Variants in EIF3J observed in about 807,000 individuals in gnomAD.
The protein encoded by EIF3J is eukaryotic translation initiation factor 3, subunit 1 (alpha, 35kD).
A neutral mutation model predicts 39.0 loss-of-function variants in EIF3J; 15 were observed. That is an observed-to-expected ratio of 0.38 (90% CI 0.26 to 0.59). The LOEUF (loss-of-function observed/expected upper bound fraction) is 0.59, where lower values mean the gene tolerates loss of function less well. EIF3J is among the 20% of genes least tolerant of loss of function. EIF3J has a pLI of 0.60. For missense variants in EIF3J, 226 were observed against 308.6 expected (o/e 0.73, Z 2.00); for synonymous variants, 98 against 112.9 (o/e 0.87, Z 0.84).
rs540515876 is a variant in EIF3J, at chr15:44,541,962, T to C, written c.147+4535T>C. 8.5e-5 allele frequency among the ~76,000 whole-genome samples: 13 copies of C among 152,358 alleles called. No individual in the cohort carries two copies. In the South Asian group the frequency reaches 2.1e-3, roughly 24 times the overall value. ...GCATGTTTGTTATTGAAAAATATTTTCTTGTCATGATGGATCATTGTAAAT... is the reference window on the plus strand; with the variant it reads ...GCATGTTTGTTATTGAAAAATATTTCCTTGTCATGATGGATCATTGTAAAT... On this transcript the variant is annotated intron_variant, in intron 2 of 7. Transcript: ENST00000261868.
Position 44,551,496 on chromosome 15 carries a change from A to C in EIF3J, c.268A>C (p.Lys90Gln). 1 of 1,592,352 alleles carries C rather than the reference A, an allele frequency of 6.3e-7. No homozygotes were observed. The highest frequency in any genetic ancestry group is 8.5e-7 in the Non-Finnish European group (1 of 1,172,316). ...KIKEKERQQK[K>Q]RQEEIKKRLE... Reference sequence around the variant, plus strand: ...AAAAGAGAAAGAACGGCAACAGAAGAAAAGGCAAGAAGAAATTAAAAAGAG... The same window carrying C: ...AAAAGAGAAAGAACGGCAACAGAAGCAAAGGCAAGAAGAAATTAAAAAGAG... The change falls in exon 4 of 8, where the codon AAA (lysine) becomes CAA (glutamine). Residue 90 changes from lysine to glutamine, a missense_variant. By Grantham distance (53) the Lys-to-Gln change is moderately conservative. Around this residue, in one of 2 missense-constraint regions of EIF3J, gnomAD observed 143 missense variants for 156.0 expected, o/e 0.92. Coordinates refer to ENST00000261868, the MANE Select transcript of EIF3J (RefSeq NM_003758.4).
At chr15:44,539,886 T>C (rs1404173903) in intron 2 of EIF3J, among the ~76,000 whole-genome samples, 2 of 151,394 alleles carry the variant, frequency 1.3e-5, no homozygotes, top group East Asian at 3.9e-4. Flanking sequence ...TCAGCCTTTC[T>C]AGTAGCTGGG....
chr15:44,542,447 T>G (rs2140890758), intron 2 of EIF3J, among the ~76,000 whole-genome samples: 1 of 152,344 alleles, frequency 6.6e-6, no homozygotes, highest in South Asian at 2.1e-4. Flanking sequence ...CAAAAGAGTT[T>G]TATTGCTCGT....
chr15:44,555,504 G>C (rs1595806313), intron 5 of EIF3J, among the ~76,000 whole-genome samples: 1 of 152,260 alleles, frequency 6.6e-6, no homozygotes, highest in South Asian at 2.1e-4. Flanking sequence ...CAGTGGATCT[G>C]TACAAATACC....
Position 44,554,607 on chromosome 15 carries a change from A to C in EIF3J, c.349A>C (p.Lys117Gln). Residue 117 changes from lysine (K) to glutamine (Q), a missense_variant, in exon 5 of 8, where the codon AAA (lysine) becomes CAA (glutamine). Physicochemically the swap from Lys to Gln is moderately conservative, Grantham distance 53 (BLOSUM62 1). Around this residue, in one of 2 missense-constraint regions of EIF3J, gnomAD observed 143 missense variants for 156.0 expected, o/e 0.92. Transcript: ENST00000261868. ...VLTPEEQLAD[K>Q]LRLKKLQEES... Reference sequence around the variant, plus strand: ...AACACCAGAAGAACAATTAGCAGATAAACTGCGGCTAAAGAAATTACAGGA... The same window carrying C: ...AACACCAGAAGAACAATTAGCAGATCAACTGCGGCTAAAGAAATTACAGGA... 1 of 1,613,028 alleles carries C rather than the reference A, an allele frequency of 6.2e-7. No homozygotes were observed. The highest frequency in any genetic ancestry group is 8.5e-7 in the Non-Finnish European group (1 of 1,179,674).
chr15:44,551,748 T>C (rs1567118319), intron 4 of EIF3J, among the ~76,000 whole-genome samples: 1 of 152,232 alleles, frequency 6.6e-6, no homozygotes, highest in African/African-American at 2.4e-5. Flanking sequence ...GGAATAGTCA[T>C]GATAGTGCAG....
intron 2 of EIF3J, among the ~76,000 whole-genome samples, chr15:44,540,256 TATATATATA>T (rs1244306891): frequency 1.4e-4 from 8 of 56,910 alleles, no homozygotes; most frequent in African/African-American, 3.6e-4. Flanking sequence ...TATATATATA[TATATATATA>T]TATTTTTTTT....
chr15:44,549,477 GAA>G (rs1454366653), intron 2 of EIF3J, among the ~76,000 whole-genome samples: 2 of 151,098 alleles, frequency 1.3e-5, no homozygotes, highest in Non-Finnish European at 2.9e-5. Flanking sequence ...GGCAATGAAA[GAA>G]AAGACTGGGG....
intron 5 of EIF3J, among the ~76,000 whole-genome samples, chr15:44,556,798 C>T (rs1456552604): frequency 6.6e-6 from 1 of 151,724 alleles, no homozygotes; most frequent in East Asian, 1.9e-4. Context: ...GGGTGTTAGC[C>T]ACTGCGTCTG....
rs1188392407 is a variant in EIF3J, at chr15:44,557,471, GCTT to G, written c.410-14_410-12del. On this transcript the variant is annotated splice_polypyrimidine_tract_variant and intron_variant, in intron 5 of 7. Coordinates refer to ENST00000261868, the MANE Select transcript of EIF3J (RefSeq NM_003758.4). ...TCCTAACCTCCTGATACTTTTCAGT[GCTT>G]CTTTTCTCCTACAGGTGTTAATAAT... The G allele has an allele frequency of 1.3e-6, 2 of 1,488,486 alleles. No individual in the cohort carries two copies. The highest frequency in any genetic ancestry group is 1.5e-5 in the African/African-American group (1 of 68,560). 92.2% of individuals were successfully genotyped at this position (1,488,486 alleles called of 1,614,324 possible).
At position 44,561,687 on chromosome 15, in the gene EIF3J, C is replaced by A. The variant is rs1010077740; in HGVS notation, c.*538C>A. On this transcript the variant is annotated 3_prime_UTR_variant, in exon 8 of 8. Transcript: ENST00000261868. ...GTGAAGATACTGCGGCTGAAAAGCA[C>A]TAGTTTGATATAAAATTAAAATGAC... 6.6e-6 allele frequency: 1 copy of A among 152,426 alleles called. No individual in the cohort carries two copies. The highest frequency in any genetic ancestry group is 2.4e-5 in the African/African-American group (1 of 41,422). The allele number at this position is 152,426 out of a possible 1,614,324, so 9.4% of individuals were successfully genotyped here.
At chr15:44,551,906 T>C (rs563971009) in intron 4 of EIF3J, among the ~76,000 whole-genome samples, 1 of 151,768 alleles carries the variant, frequency 6.6e-6, no homozygotes, top group Non-Finnish European at 1.5e-5. Flanking sequence ...CTCGGCTCAG[T>C]GCAACCTCTG....
At chr15:44,556,078 G>C (rs2082142187) in intron 5 of EIF3J, among the ~76,000 whole-genome samples, 1 of 152,088 alleles carries the variant, frequency 6.6e-6, no homozygotes. Context: ...TGCTGCCCAG[G>C]CTGTTGTTGA....
chr15:44,554,103 G>C (rs756816066), intron 4 of EIF3J, among the ~76,000 whole-genome samples: 1 of 152,032 alleles, frequency 6.6e-6, no homozygotes, highest in Non-Finnish European at 1.5e-5. Context: ...TGGACTGGGC[G>C]CAGTGGCTCA....
chr15:44,537,639 C>G (rs930919371), intron 2 of EIF3J, among the ~76,000 whole-genome samples: 1 of 152,214 alleles, frequency 6.6e-6, no homozygotes, highest in African/African-American at 2.4e-5. Flanking sequence ...GGTTGAGAGT[C>G]TGCTCTCCGG....
chr15:44,560,638 T>TTTA, intron 7 of EIF3J: 1 of 351,324 alleles, frequency 2.8e-6, no homozygotes, highest in Non-Finnish European at 5.2e-6. Flanking sequence ...ACAATAATAC[T>TTTA]CACTTTGCAG....
At chr15:44,553,945 T>C (rs1339815088) in intron 4 of EIF3J, among the ~76,000 whole-genome samples, 2 of 152,186 alleles carry the variant, frequency 1.3e-5, no homozygotes, top group Non-Finnish European at 2.9e-5. Flanking sequence ...TCAATTCCTT[T>C]TTTTAAAAAA....
chr15:44,550,442 C>A (rs1235363766), intron 2 of EIF3J, among the ~76,000 whole-genome samples: 1 of 152,028 alleles, frequency 6.6e-6, no homozygotes, highest in Non-Finnish European at 1.5e-5. Context: ...CAGGCACATG[C>A]CACGTTGCCC....
intron 4 of EIF3J, among the ~76,000 whole-genome samples, chr15:44,551,982 C>T (rs1419821066): frequency 1.3e-5 from 2 of 151,710 alleles, no homozygotes; most frequent in East Asian, 1.9e-4. Flanking sequence ...GGAGCCACGG[C>T]GAGCTAATTT....
Sources: allele counts gnomAD v4.1 joint callset (sites outside exome capture counted in the v4.1 genomes callset), GRCh38; gene constraint gnomAD v4.1.1; regional missense constraint gnomAD v4.1.1; transcripts MANE v1.5; gene names NCBI Gene and HGNC (gene_info 2026-07-23, HGNC 2026-07-21).